Variants in SLC24A2 observed in about 807,000 individuals in gnomAD.
The protein encoded by SLC24A2 is sodium/potassium/calcium exchanger 2.
A neutral mutation model predicts 62.0 loss-of-function variants in SLC24A2; 36 were observed. The observed-to-expected ratio is 0.58, with a 90% confidence interval of 0.44 to 0.77. The LOEUF is 0.77. Among genes scored for constraint, SLC24A2 ranks in the 30% least tolerant of loss-of-function variants. The pLI is 0.00. For missense variants in SLC24A2, 846 were observed against 817.9 expected (o/e 1.03, Z -0.42); for synonymous variants, 358 against 294.0 (o/e 1.22, Z -2.23).
At chr9:20,228,714 A>G in the SLC24A2 span, among the ~76,000 whole-genome samples, 1 of 152,196 alleles carries the variant, frequency 6.6e-6, no homozygotes, top group Non-Finnish European at 1.5e-5. Context: ...AGGAGGGTAT[A>G]ACCAGTGTGG....
the SLC24A2 span, among the ~76,000 whole-genome samples, chr9:20,183,844 T>C: frequency 6.9e-6 from 1 of 144,540 alleles, no homozygotes. Context: ...TGTAGATCAA[T>C]GGTTTTCAAA....
chr9:20,205,145 A>G, the SLC24A2 span, among the ~76,000 whole-genome samples: 90 of 152,328 alleles, frequency 5.9e-4, no homozygotes, highest in African/African-American at 2.1e-3. Flanking sequence ...CACGTTCAAA[A>G]TAACTTGTTG....
At chr9:20,047,803 G>T in the SLC24A2 span, among the ~76,000 whole-genome samples, 2 of 151,466 alleles carry the variant, frequency 1.3e-5, no homozygotes, top group African/African-American at 2.4e-5. Flanking sequence ...TCACCTTGGG[G>T]GTTAGGATTT....
intron 7 of SLC24A2, among the ~76,000 whole-genome samples, chr9:19,560,610 C>T (rs1472611281): frequency 6.6e-6 from 1 of 151,630 alleles, no homozygotes; most frequent in Non-Finnish European, 1.5e-5. Flanking sequence ...CTTGGACTTC[C>T]AACCCCTAGA....
the SLC24A2 span, among the ~76,000 whole-genome samples, chr9:20,019,887 A>C: frequency 7.2e-5 from 11 of 151,898 alleles, no homozygotes; most frequent in African/African-American, 1.9e-4. Flanking sequence ...AAAAAAAAAA[A>C]AAACCACCAA....
At chr9:20,151,897 C>A in the SLC24A2 span, among the ~76,000 whole-genome samples, 1 of 151,708 alleles carries the variant, frequency 6.6e-6, no homozygotes, top group African/African-American at 2.4e-5. Context: ...CAAAAGAACT[C>A]ATTCCTTTCT....
intron 7 of SLC24A2, among the ~76,000 whole-genome samples, chr9:19,560,850 G>GTTCT (rs1333280339): frequency 6.7e-6 from 1 of 148,888 alleles, no homozygotes; most frequent in Non-Finnish European, 1.5e-5. Context: ...CTCTATCTTT[G>GTTCT]TTCTTTTAAT....
the SLC24A2 span, among the ~76,000 whole-genome samples, chr9:19,844,693 TA>T: frequency 6.6e-6 from 1 of 152,140 alleles, no homozygotes; most frequent in Non-Finnish European, 1.5e-5. Flanking sequence ...TTAATTTTTT[TA>T]TATGGTGAAA....
chr9:19,600,549 C>T (rs893022421), intron 4 of SLC24A2, among the ~76,000 whole-genome samples: 1 of 152,120 alleles, frequency 6.6e-6, no homozygotes, highest in Non-Finnish European at 1.5e-5. Flanking sequence ...AATTATCATC[C>T]TCGAACAGTG....
chr9:20,195,070 C>T, the SLC24A2 span, among the ~76,000 whole-genome samples: 1 of 151,806 alleles, frequency 6.6e-6, no homozygotes, highest in Admixed American at 6.6e-5. Flanking sequence ...AGTTTTCTTC[C>T]CCAGCTCATG....
At chr9:19,926,318 T>A in the SLC24A2 span, 1 of 152,332 alleles carries the variant, frequency 6.6e-6, no homozygotes, top group Admixed American at 6.5e-5. Context: ...TGTAGTTACG[T>A]GACTCACCTT....
At chr9:19,702,093 T>G (rs1325846474) in intron 2 of SLC24A2, among the ~76,000 whole-genome samples, 1 of 152,202 alleles carries the variant, frequency 6.6e-6, no homozygotes, top group East Asian at 1.9e-4. Flanking sequence ...AAAGACAGAA[T>G]TAATAAAACT....
At chr9:20,150,299 A>G in the SLC24A2 span, among the ~76,000 whole-genome samples, 2 of 151,980 alleles carry the variant, frequency 1.3e-5, no homozygotes, top group South Asian at 2.1e-4. Context: ...CTTAAAATGA[A>G]ATATTTATTC....
chr9:20,100,010 C>T, the SLC24A2 span, among the ~76,000 whole-genome samples: 1 of 151,778 alleles, frequency 6.6e-6, no homozygotes, highest in African/African-American at 2.4e-5. Flanking sequence ...TCCTTTTCTT[C>T]TCCTATTCAT....
the SLC24A2 span, among the ~76,000 whole-genome samples, chr9:20,285,169 G>A: frequency 6.6e-6 from 1 of 152,312 alleles, no homozygotes; most frequent in African/African-American, 2.4e-5. Flanking sequence ...GTTACCGACT[G>A]AATCATGCTG....
the SLC24A2 span, among the ~76,000 whole-genome samples, chr9:20,202,587 G>T: frequency 6.6e-6 from 1 of 152,090 alleles, no homozygotes; most frequent in Non-Finnish European, 1.5e-5. Context: ...CAAATAGAAA[G>T]ACAAAAGAAG....
chr9:20,126,865 G>A, the SLC24A2 span, among the ~76,000 whole-genome samples: 1 of 152,130 alleles, frequency 6.6e-6, no homozygotes, highest in South Asian at 2.1e-4. Context: ...TATTGGTGTT[G>A]CCTCTGTCTA....
the SLC24A2 span, among the ~76,000 whole-genome samples, chr9:20,200,521 C>T: frequency 5.9e-5 from 9 of 152,180 alleles, no homozygotes; most frequent in East Asian, 1.9e-4. Flanking sequence ...CTCCGTGTAA[C>T]GGAAAGGGAA....
the SLC24A2 span, among the ~76,000 whole-genome samples, chr9:19,924,309 C>G: frequency 2.0e-5 from 3 of 152,222 alleles, no homozygotes; most frequent in Non-Finnish European, 4.4e-5. Flanking sequence ...TCAGATGTGT[C>G]ATCCCCAGCC....
Sources: gnomAD v4.1 joint callset for allele counts (sites outside exome capture counted in the v4.1 genomes callset) on GRCh38, gnomAD v4.1.1 for gene constraint, MANE v1.5 for transcripts, NCBI Gene and HGNC (gene_info 2026-07-23, HGNC 2026-07-21) for gene names.